Variants in ITGA8 observed in about 807,000 individuals in gnomAD.
ITGA8 encodes integrin subunit alpha 8.
A neutral mutation model predicts 142.3 loss-of-function variants in ITGA8; 91 were observed. The ratio of observed to expected loss-of-function variants is 0.64; its 90% confidence interval spans 0.54 to 0.76. ITGA8 has a LOEUF of 0.76. Among genes scored for constraint, ITGA8 ranks in the 30% least tolerant of loss-of-function variants. The pLI is 0.00. For synonymous variants in ITGA8, 505 were observed against 485.2 expected, an observed-to-expected ratio of 1.04 and a Z score of -0.54; for missense variants, 1,406 against 1,327.7, an observed-to-expected ratio of 1.06 and a Z score of -0.92.
At chr10:15,654,971 G>A (rs947435947) in intron 11 of ITGA8, among the ~76,000 whole-genome samples, 5 of 152,102 alleles carry the variant, frequency 3.3e-5, no homozygotes, top group African/African-American at 1.2e-4. Context: ...CATTTTTAAA[G>A]CAACTTAAAA....
intron 2 of ITGA8, among the ~76,000 whole-genome samples, chr10:15,688,302 C>CTA (rs1834870177): frequency 8.9e-6 from 1 of 112,798 alleles, no homozygotes; most frequent in African/African-American, 3.5e-5. Flanking sequence ...CAAAAAATAC[C>CTA]AAAAAAAAAA....
At chr10:15,558,549 C>T (rs902823291) in intron 25 of ITGA8, among the ~76,000 whole-genome samples, 2 of 152,172 alleles carry the variant, frequency 1.3e-5, no homozygotes, top group Admixed American at 6.5e-5. Context: ...TTACTTTCCT[C>T]TCATTGTAGA....
intron 11 of ITGA8, among the ~76,000 whole-genome samples, chr10:15,651,038 T>C (rs1809760190): frequency 6.6e-6 from 1 of 152,180 alleles, no homozygotes; most frequent in South Asian, 2.1e-4. Flanking sequence ...TTCTGTAAAT[T>C]ATTCTCAAGT....
chr10:15,532,861 CA>C (rs1833339380), intron 27 of ITGA8, among the ~76,000 whole-genome samples: 1 of 152,154 alleles, frequency 6.6e-6, no homozygotes, highest in South Asian at 2.1e-4. Context: ...CTCAAAACCT[CA>C]TGCTTGCTAT....
intron 23 of ITGA8, among the ~76,000 whole-genome samples, chr10:15,585,241 C>T (rs1173676651): frequency 6.6e-6 from 1 of 152,202 alleles, no homozygotes; most frequent in Non-Finnish European, 1.5e-5. Context: ...ATGATCATTT[C>T]TGAGCATGAG....
chr10:15,639,451 C>T (rs1363371811), intron 13 of ITGA8, among the ~76,000 whole-genome samples: 2 of 152,146 alleles, frequency 1.3e-5, no homozygotes, highest in African/African-American at 4.8e-5. Flanking sequence ...GGGTGCTGTG[C>T]ATTCAGCTTT....
intron 20 of ITGA8, among the ~76,000 whole-genome samples, chr10:15,600,156 A>G (rs565543952): frequency 6.6e-5 from 10 of 152,362 alleles, no homozygotes; most frequent in African/African-American, 2.4e-4. Context: ...GCATGTGCAC[A>G]ACGTGCAGGT....
At chr10:15,526,503 T>C (rs373405418) in intron 28 of ITGA8, among the ~76,000 whole-genome samples, 1 of 152,146 alleles carries the variant, frequency 6.6e-6, no homozygotes, top group East Asian at 1.9e-4. Flanking sequence ...ACCAAGAAGG[T>C]AGACTCAGGG....
intron 25 of ITGA8, among the ~76,000 whole-genome samples, chr10:15,569,984 A>G (rs898578254): frequency 2.6e-5 from 4 of 152,206 alleles, no homozygotes; most frequent in African/African-American, 9.6e-5. Flanking sequence ...TCAATTATTT[A>G]TAGTCACTAA....
At chr10:15,521,935 T>C (rs1372909674) in intron 28 of ITGA8, among the ~76,000 whole-genome samples, 1 of 152,192 alleles carries the variant, frequency 6.6e-6, no homozygotes, top group Non-Finnish European at 1.5e-5. Flanking sequence ...GAATGATGGT[T>C]ACCAGAAGCT....
intron 27 of ITGA8, among the ~76,000 whole-genome samples, chr10:15,537,142 G>A (rs1021999197): frequency 6.6e-6 from 1 of 152,078 alleles, no homozygotes. Flanking sequence ...TCGTTACATG[G>A]ACAGAAACCA....
chr10:15,674,350 A>G (rs559717767), intron 6 of ITGA8, among the ~76,000 whole-genome samples: 10 of 152,336 alleles, frequency 6.6e-5, no homozygotes, highest in South Asian at 2.1e-4. Context: ...TTTAAATTCT[A>G]TGTCTCAAAC....
At chr10:15,670,174 A>C (rs911576220) in intron 8 of ITGA8, among the ~76,000 whole-genome samples, 1 of 152,244 alleles carries the variant, frequency 6.6e-6, no homozygotes, top group Non-Finnish European at 1.5e-5. Context: ...AACCACTTGC[A>C]TTAGTGAAAT....
At chr10:15,653,819 CTTTTCTT>C (rs1163259599) in intron 11 of ITGA8, among the ~76,000 whole-genome samples, 1 of 116,620 alleles carries the variant, frequency 8.6e-6, no homozygotes, top group African/African-American at 3.0e-5. Flanking sequence ...TGTGTTTTTT[CTTTTCTT>C]TTTTCTTTTT....
chr10:15,643,393 C>T (rs1261757972), intron 13 of ITGA8, among the ~76,000 whole-genome samples: 1 of 152,124 alleles, frequency 6.6e-6, no homozygotes, highest in Non-Finnish European at 1.5e-5. Flanking sequence ...GATTCTTGTG[C>T]CTCAGCCTCT....
intron 4 of ITGA8, among the ~76,000 whole-genome samples, chr10:15,683,760 C>A (rs1834784987): frequency 6.6e-6 from 1 of 152,230 alleles, no homozygotes; most frequent in Non-Finnish European, 1.5e-5. Context: ...AGGAACCAAT[C>A]AATTCTGCAA....
At chr10:15,707,787 C>T (rs1040753005) in intron 2 of ITGA8, among the ~76,000 whole-genome samples, 2 of 149,252 alleles carry the variant, frequency 1.3e-5, no homozygotes, top group Non-Finnish European at 3.0e-5. Flanking sequence ...TGTGCCACTA[C>T]ACTCCGGCCT....
At chr10:15,568,810 A>C (rs1362175238) in intron 25 of ITGA8, among the ~76,000 whole-genome samples, 1 of 152,254 alleles carries the variant, frequency 6.6e-6, no homozygotes, top group East Asian at 1.9e-4. Flanking sequence ...GTAATTTAAA[A>C]AATAGAAGAA....
chr10:15,644,357 T>G, intron 12 of ITGA8, 136 bp from the exon 13 acceptor site: 1 of 713,492 alleles, frequency 1.4e-6, no homozygotes, highest in Middle Eastern at 4.2e-4. Context: ...AGCCCCACAC[T>G]CCCGGACTCA....
Sources: gnomAD v4.1 joint callset for allele counts (sites outside exome capture counted in the v4.1 genomes callset) on GRCh38, gnomAD v4.1.1 for gene constraint, MANE v1.5 for transcripts, NCBI Gene and HGNC (gene_info 2026-07-23, HGNC 2026-07-21) for gene names.